Variants in FBXW11 observed in about 807,000 individuals in gnomAD.
The protein encoded by FBXW11 is F-box and WD repeat domain containing 11.
In FBXW11, 19 loss-of-function variants were observed where a neutral mutation model predicts 77.6. The ratio of observed to expected loss-of-function variants is 0.24; its 90% confidence interval spans 0.17 to 0.36. The LOEUF (loss-of-function observed/expected upper bound fraction) is 0.36. Ranked by LOEUF, FBXW11 falls within the 10% of genes least tolerant of loss-of-function variation. The pLI is 1.00. For missense variants in FBXW11, 334 were observed against 704.2 expected (o/e 0.47, Z 5.95); for synonymous variants, 235 against 249.4 (o/e 0.94, Z 0.54).
rs111929613 is a variant in FBXW11 at position 171,939,331 on chromosome 5, G to A, written c.147+18266C>T. Reference sequence around the variant, plus strand: ...TAACATAATCATACTTAATGGAAGAGGGTGAAAACCCACCCAAGTGACTCT... The same window carrying A: ...TAACATAATCATACTTAATGGAAGAAGGTGAAAACCCACCCAAGTGACTCT... On this transcript the variant is annotated intron_variant, in intron 2 of 13. Coordinates refer to ENST00000517395, the MANE Select transcript of FBXW11 (RefSeq NM_001378974.1). Among the ~76,000 whole-genome samples, 119 of 152,220 alleles carry A rather than the reference G, an allele frequency of 7.8e-4. No homozygotes were observed. The South Asian group carries it at 0.02, about 25-fold the overall frequency.
chr5:171,977,670 G>T (rs766734249), intron 1 of FBXW11: 31 of 449,950 alleles, frequency 6.9e-5, no homozygotes, highest in African/African-American at 5.0e-4. Flanking sequence ...CATAATCATG[G>T]CAGAAAGCAA....
chr5:171,986,750 C>T (rs901565301), intron 1 of FBXW11, among the ~76,000 whole-genome samples: 1 of 151,042 alleles, frequency 6.6e-6, no homozygotes, highest in Non-Finnish European at 1.5e-5. Flanking sequence ...AAAAAAAATC[C>T]GTGTGGACCA....
At chr5:171,924,558 C>T (rs1761783331) in intron 2 of FBXW11, among the ~76,000 whole-genome samples, 2 of 152,162 alleles carry the variant, frequency 1.3e-5, no homozygotes, top group Middle Eastern at 6.8e-3. Context: ...CCTCATTCTT[C>T]TTGGATGCGG....
chr5:171,872,999 C>G lies in FBXW11; in HGVS notation c.1222-9G>C, dbSNP rs1404330420. 6.2e-7 allele frequency: 1 copy of G among 1,603,786 alleles called. No homozygotes were observed. On this transcript the variant is annotated splice_polypyrimidine_tract_variant and intron_variant, in intron 9 of 13. Coordinates refer to ENST00000517395, the MANE Select transcript of FBXW11 (RefSeq NM_001378974.1). ...GTGCTCGTGCTCCAGACCTGTATAA[C>G]AAATTAACAGTATTTTAAAGAATGA... is the stretch of plus-strand genomic sequence containing the variant.
At position 171,876,211 on chromosome 5, in the gene FBXW11, A is replaced by G; in HGVS notation, c.1221+74T>C. On this transcript the variant is annotated intron_variant, in intron 9 of 13. Transcript: ENST00000517395. This position sits in a 1 kb window ranked among gnomAD's most constrained non-coding sequence, Gnocchi z 4.2. ...AGATCTTGCCAGGTACCAGGTTGGT[A>G]TAAGCCACCTCTGCTTTGTCTCTGT... 1 of 1,574,128 alleles carries G rather than the reference A, an allele frequency of 6.4e-7. No homozygotes were observed. The highest frequency in any genetic ancestry group is 1.2e-5 in the South Asian group (1 of 85,292).
At chr5:171,916,885 G>C (rs1192709683) in intron 2 of FBXW11, among the ~76,000 whole-genome samples, 2 of 152,012 alleles carry the variant, frequency 1.3e-5, no homozygotes, top group Non-Finnish European at 1.5e-5. Context: ...TGTATATATG[G>C]TTTTGTTTTG....
At chr5:171,964,336 T>C (rs1337015520) in intron 1 of FBXW11, among the ~76,000 whole-genome samples, 3 of 152,256 alleles carry the variant, frequency 2.0e-5, no homozygotes, top group Non-Finnish European at 4.4e-5. Flanking sequence ...GGGGTAACCA[T>C]TTGGCAGTAA....
In FBXW11 at chr5:171,983,325, T is replaced by A. The variant is rs546531962; in HGVS notation, c.45+23133A>T. The stretch of plus-strand genomic sequence containing the variant: ...CACCCTACACATCTCTTCATCTATA[T>A]CCTTTGTAATAATATCCTTTATGAT... On this transcript the variant is annotated intron_variant, in intron 1 of 13. Transcript: ENST00000517395. 3.8e-4 allele frequency among the ~76,000 whole-genome samples: 58 copies of A among 152,290 alleles called. 3 individuals carry two copies. The South Asian group carries it at 0.011, about 28-fold the overall frequency.
chr5:171,938,807 G>C (rs1416092884), intron 2 of FBXW11, among the ~76,000 whole-genome samples: 1 of 152,176 alleles, frequency 6.6e-6, no homozygotes, highest in Non-Finnish European at 1.5e-5. Context: ...GAACACAACA[G>C]AGTACTATGC....
At chr5:171,883,643 T>C (rs1176876826) in intron 7 of FBXW11, among the ~76,000 whole-genome samples, 1 of 152,226 alleles carries the variant, frequency 6.6e-6, no homozygotes, top group Admixed American at 6.5e-5. Flanking sequence ...TGCCAGCATC[T>C]ACTGTTTTTT....
At chr5:171,996,646 T>C (rs559280145) in intron 1 of FBXW11, among the ~76,000 whole-genome samples, 1 of 152,290 alleles carries the variant, frequency 6.6e-6, no homozygotes, top group Admixed American at 6.5e-5. Context: ...CTGGGCGACC[T>C]GATGTCTCAA....
chr5:171,900,595 T>C (rs1760048591), intron 4 of FBXW11, among the ~76,000 whole-genome samples: 1 of 152,160 alleles, frequency 6.6e-6, no homozygotes, highest in South Asian at 2.1e-4. Flanking sequence ...ATACCCGGTG[T>C]GAATCCCTGG....
intron 4 of FBXW11, 81 bp downstream of exon 4, chr5:171,910,491 A>G (rs994816887): frequency 1.1e-6 from 1 of 906,660 alleles, no homozygotes; most frequent in Non-Finnish European, 1.7e-6. Flanking sequence ...TACTCATTCA[A>G]TCATTTCATA....
chr5:172,002,696 C>CTTTTTTTTTTTTTTTTTTT (rs34300477), intron 1 of FBXW11, among the ~76,000 whole-genome samples: 11 of 97,052 alleles, frequency 1.1e-4, no homozygotes, highest in East Asian at 2.6e-4. Flanking sequence ...TTTTTCTTTT[C>CTTTTTTTTTTTTTTTTTTT]TTTTTTTTTT....
intron 2 of FBXW11, among the ~76,000 whole-genome samples, chr5:171,949,145 C>CTCA (rs1230862683): frequency 6.6e-6 from 1 of 152,052 alleles, no homozygotes; most frequent in East Asian, 1.9e-4. Context: ...CAAACTAGTA[C>CTCA]AACATATAAA....
intron 8 of FBXW11, among the ~76,000 whole-genome samples, chr5:171,877,607 G>A (rs1332071248): frequency 2.6e-5 from 4 of 152,136 alleles, no homozygotes; most frequent in African/African-American, 4.8e-5. Flanking sequence ...GCAGGGGTAC[G>A]GAAGCACTGA....
intron 1 of FBXW11, among the ~76,000 whole-genome samples, chr5:172,000,681 C>T (rs1320505490): frequency 6.6e-6 from 1 of 152,192 alleles, no homozygotes; most frequent in African/African-American, 2.4e-5. Flanking sequence ...GAAAAGCAAG[C>T]CTCTGCAAAG....
intron 2 of FBXW11, among the ~76,000 whole-genome samples, chr5:171,942,292 C>T (rs1305069908): frequency 6.6e-6 from 1 of 151,356 alleles, no homozygotes; most frequent in Non-Finnish European, 1.5e-5. Flanking sequence ...TCCTTTATAG[C>T]AGAGCTACCC....
chr5:171,972,940 G>A (rs941572405), intron 1 of FBXW11, among the ~76,000 whole-genome samples: 3 of 152,176 alleles, frequency 2.0e-5, no homozygotes, highest in African/African-American at 2.4e-5. Flanking sequence ...CCAGCAGCCA[G>A]GTTATTGCTT....
Sources: allele counts gnomAD v4.1 joint callset (sites outside exome capture counted in the v4.1 genomes callset), GRCh38; gene constraint gnomAD v4.1.1; non-coding constraint Gnocchi (gnomAD v3.1); transcripts MANE v1.5; gene names NCBI Gene and HGNC (gene_info 2026-07-23, HGNC 2026-07-21).